The following ANTXR1 variants were observed in gnomAD, a reference collection of about 807,000 sequenced individuals.
ANTXR1 encodes the protein ANTXR cell adhesion molecule 1, also known as anthrax toxin receptor 1.
A neutral mutation model predicts 78.1 loss-of-function variants in ANTXR1; 19 were observed. The ratio of observed to expected loss-of-function variants is 0.24; its 90% CI spans 0.17 to 0.36. ANTXR1 has a LOEUF of 0.36. Ranked by LOEUF, ANTXR1 falls within the 10% of genes least tolerant of loss-of-function variation. The probability of loss-of-function intolerance (pLI) is 1.00; values close to 1 mark genes in which losing one functional copy is unlikely to be tolerated. For missense variants in ANTXR1, 518 were observed against 718.6 expected (o/e 0.72, Z 3.19); for synonymous variants, 273 against 260.5 (o/e 1.05, Z -0.46).
At chr2:69,111,394 G>T (rs2104344372) in intron 10 of ANTXR1, among the ~76,000 whole-genome samples, 1 of 152,290 alleles carries the variant, frequency 6.6e-6, no homozygotes, top group African/African-American at 2.4e-5. Flanking sequence ...ATTAAAAATG[G>T]ATGTTTTACT....
chr2:69,198,590 T>C (rs1674710449), intron 17 of ANTXR1, among the ~76,000 whole-genome samples: 1 of 152,232 alleles, frequency 6.6e-6, no homozygotes, highest in South Asian at 2.1e-4. Flanking sequence ...TAGTTTGCCA[T>C]TTACCTTTTA....
chr2:69,101,926 G>GT lies in ANTXR1; in HGVS notation c.704-910dup, dbSNP rs563812147. ...AAACATTTAGCCAACTAATTATTGG[G>GT]TTTTTTCCATGGTAGGAGTATGGTA... On this transcript the variant is annotated intron_variant, in intron 9 of 17. Transcript: ENST00000303714. Among the ~76,000 whole-genome samples, 422 of 152,322 alleles carry GT rather than the reference G, an allele frequency of 2.8e-3. 3 individuals are homozygous for GT. Among genetic ancestry groups the GT allele is most frequent in the African/African-American group, 9.8e-3 (406 of 41,564 alleles).
chr2:69,213,894 G>A (rs1675112865), intron 17 of ANTXR1, among the ~76,000 whole-genome samples: 1 of 152,248 alleles, frequency 6.6e-6, no homozygotes, highest in Non-Finnish European at 1.5e-5. Context: ...TGCCCCCATT[G>A]CCAGCAGCCT....
At chr2:69,069,825 T>A in intron 3 of ANTXR1, among the ~76,000 whole-genome samples, 1 of 152,200 alleles carries the variant, frequency 6.6e-6, no homozygotes, top group Non-Finnish European at 1.5e-5. Flanking sequence ...ATCTCCACCC[T>A]GTACCACTAA....
At position 69,068,915 on chromosome 2, in the gene ANTXR1, G is replaced by A. The variant is rs114295462; in HGVS notation, c.297-1732G>A. On this transcript the variant is annotated intron_variant, in intron 3 of 17. Transcript: ENST00000303714. ...GTTTGAAGTAGAACTAACAGAATGT[G>A]ATGATGGTGAGAGGAAGGAAAGTCA... 2.0e-3 allele frequency among the ~76,000 whole-genome samples: 309 copies of A among 152,332 alleles called. 2 individuals are homozygous for A. Among genetic ancestry groups the A allele is most frequent in the African/African-American group, 7.1e-3 (294 of 41,580 alleles).
intron 1 of ANTXR1, among the ~76,000 whole-genome samples, chr2:69,020,864 G>T (rs1290984260): frequency 6.6e-6 from 1 of 152,184 alleles, no homozygotes; most frequent in Non-Finnish European, 1.5e-5. Context: ...ACTCAGTTTT[G>T]ATCACAAGTG....
chr2:69,133,452 G>C (rs1281136252), intron 12 of ANTXR1, among the ~76,000 whole-genome samples: 1 of 152,190 alleles, frequency 6.6e-6, no homozygotes, highest in Non-Finnish European at 1.5e-5. Flanking sequence ...AACTGAACTG[G>C]AAGGGAGATT....
intron 17 of ANTXR1, among the ~76,000 whole-genome samples, chr2:69,241,890 C>A (rs1021428180): frequency 6.6e-6 from 1 of 152,134 alleles, no homozygotes; most frequent in Non-Finnish European, 1.5e-5. Flanking sequence ...TAAGGGAGTC[C>A]TCCTAATACC....
intron 12 of ANTXR1, among the ~76,000 whole-genome samples, chr2:69,148,648 C>A (rs1374198560): frequency 1.3e-5 from 2 of 152,216 alleles, no homozygotes; most frequent in African/African-American, 4.8e-5. Context: ...CACTGCTTGG[C>A]ACACAGTAAA....
intron 12 of ANTXR1, 66 bp downstream of exon 12, chr2:69,124,709 C>T: frequency 1.9e-6 from 3 of 1,559,444 alleles, no homozygotes; most frequent in South Asian, 1.1e-5. Context: ...GTTTCTTAAG[C>T]AGTAATCTTC....
At chr2:69,035,769 A>G (rs750856246) in intron 1 of ANTXR1, among the ~76,000 whole-genome samples, 1 of 152,198 alleles carries the variant, frequency 6.6e-6, no homozygotes. Context: ...TTTTGCCTCC[A>G]GTTTTGTTTT....
intron 17 of ANTXR1, among the ~76,000 whole-genome samples, chr2:69,217,587 C>T (rs1192677714): frequency 2.0e-5 from 3 of 152,158 alleles, no homozygotes; most frequent in African/African-American, 4.8e-5. Context: ...TTACTAAATG[C>T]AATATAGTGC....
chr2:69,155,426 A>T (rs934648239), intron 13 of ANTXR1, among the ~76,000 whole-genome samples: 1 of 152,028 alleles, frequency 6.6e-6, no homozygotes, highest in African/African-American at 2.4e-5. Context: ...ATATTTTCCC[A>T]AATAATAATA....
At chr2:69,041,458 T>C (rs1176624521) in intron 2 of ANTXR1, among the ~76,000 whole-genome samples, 4 of 152,210 alleles carry the variant, frequency 2.6e-5, no homozygotes, top group Non-Finnish European at 5.9e-5. Flanking sequence ...CAGTAACTGC[T>C]CTGTGTCTCA....
At chr2:69,013,149 A>C (rs1670912681), upstream of ANTXR1, 2 of 102,756 alleles carry the variant, frequency 1.9e-5, no homozygotes, top group South Asian at 3.0e-4. The surrounding 1 kb of genome is among the most constrained non-coding windows in gnomAD (Gnocchi z 5.0). Context: ...CCCCCATCAT[A>C]TTTAAAATCT....
chr2:69,083,339 C>T (rs1441600785), intron 8 of ANTXR1, among the ~76,000 whole-genome samples: 1 of 152,238 alleles, frequency 6.6e-6, no homozygotes, highest in Non-Finnish European at 1.5e-5. Flanking sequence ...CAGCTCTTCT[C>T]ATAAATCAGG....
In ANTXR1 at chr2:69,138,228, G is replaced by A. The variant is rs188575240; in HGVS notation, c.951+13585G>A. On this transcript the variant is annotated intron_variant, in intron 12 of 17. Transcript: ENST00000303714. The stretch of plus-strand genomic sequence containing the variant: ...TTGGGGAAAAGGACCAAAAAGCAGA[G>A]AAAATCTGAGAGGATCTCCTTTCTA... 1.5e-3 allele frequency among the ~76,000 whole-genome samples: 233 copies of A among 152,178 alleles called. 1 individual carries two copies. The highest frequency in any genetic ancestry group is 5.4e-3 in the African/African-American group (224 of 41,540).
chr2:69,171,409 T>C (rs1287284851), intron 14 of ANTXR1, among the ~76,000 whole-genome samples: 4 of 152,230 alleles, frequency 2.6e-5, no homozygotes, highest in Non-Finnish European at 4.4e-5. Flanking sequence ...CCTTAATCCT[T>C]CAAGAGAAAG....
intron 3 of ANTXR1, among the ~76,000 whole-genome samples, chr2:69,059,337 A>G (rs1573822999): frequency 6.6e-6 from 1 of 152,282 alleles, no homozygotes; most frequent in African/African-American, 2.4e-5. Context: ...CAGCCACCCC[A>G]CCTTCAGCAA....
Sources: gnomAD v4.1 joint callset for allele counts (sites outside exome capture counted in the v4.1 genomes callset) on GRCh38, gnomAD v4.1.1 for gene constraint, Gnocchi (gnomAD v3.1) non-coding constraint, MANE v1.5 for transcripts, NCBI Gene and HGNC (gene_info 2026-07-23, HGNC 2026-07-21) for gene names.